Variants in BACH2 observed in about 807,000 individuals in gnomAD.
The protein encoded by BACH2 is BACH transcriptional regulator 2.
BACH2 carries 5 observed loss-of-function variants against 61.8 expected under a neutral mutation model. The observed-to-expected ratio is 0.08, with a 90% confidence interval of 0.04 to 0.17. The LOEUF (loss-of-function observed/expected upper bound fraction) is 0.17. Ranked by LOEUF, BACH2 falls within the 10% of genes least tolerant of loss-of-function variation. The probability of loss-of-function intolerance (pLI) is 1.00; values close to 1 mark genes in which losing one functional copy is unlikely to be tolerated. For missense variants in BACH2, 824 were observed against 1,091.1 expected, an observed-to-expected ratio of 0.76 and a Z score of 3.45; for synonymous variants, 446 against 440.1, an observed-to-expected ratio of 1.01 and a Z score of -0.17.
At chr6:90,218,403 T>C (rs1004952832) in intron 3 of BACH2, among the ~76,000 whole-genome samples, 3 of 152,172 alleles carry the variant, frequency 2.0e-5, no homozygotes, top group Non-Finnish European at 4.4e-5. Context: ...TCAGTCTAGC[T>C]GCCTCACTGC....
intron 5 of BACH2, among the ~76,000 whole-genome samples, chr6:90,079,524 T>C (rs1781629145): frequency 6.6e-6 from 1 of 152,202 alleles, no homozygotes; most frequent in African/African-American, 2.4e-5. Context: ...CTTTCTTCCT[T>C]CGGAAGAGAA....
intron 4 of BACH2, among the ~76,000 whole-genome samples, chr6:90,109,773 C>T (rs867103596): frequency 8.5e-5 from 13 of 152,264 alleles, no homozygotes; most frequent in South Asian, 8.3e-4. Context: ...CTCCATAATA[C>T]ATCTTGAAAT....
chr6:90,123,531 G>A (rs971739122), intron 4 of BACH2, among the ~76,000 whole-genome samples: 2 of 151,774 alleles, frequency 1.3e-5, no homozygotes, highest in African/African-American at 4.8e-5. Context: ...AGCACTTTGG[G>A]AGGCCGAGGC....
At position 90,008,599 on chromosome 6, in the gene BACH2, T is replaced by C. The variant is rs1777536764; in HGVS notation, c.243+3A>G. On this transcript the variant is annotated splice_donor_region_variant and intron_variant, in intron 6 of 8. Transcript: ENST00000257749. The surrounding 1 kb of genome is among the most constrained non-coding windows in gnomAD (Gnocchi z 4.1). The stretch of plus-strand genomic sequence containing the variant: ...AACAATCACACAAACCAAATTACTG[T>C]ACCTCCTCAGGCAAGCTGACCACCA... The C allele has an allele frequency of 6.2e-7, 1 of 1,613,918 alleles. No individual in the cohort carries two copies. Among genetic ancestry groups the C allele is most frequent in the South Asian group, 1.1e-5 (1 of 91,076 alleles).
chr6:90,106,658 G>C (rs1782932866), intron 4 of BACH2, among the ~76,000 whole-genome samples: 2 of 152,346 alleles, frequency 1.3e-5, no homozygotes, highest in Non-Finnish European at 2.9e-5. Context: ...TGAGGTGACA[G>C]GCATTTTGGG....
chr6:90,266,970 G>A (rs1199444470), intron 2 of BACH2, among the ~76,000 whole-genome samples: 1 of 151,952 alleles, frequency 6.6e-6, no homozygotes, highest in Admixed American at 6.6e-5. Context: ...CTTGAATAAC[G>A]ATATACACTA....
chr6:90,089,339 A>G (rs976055442), intron 4 of BACH2, among the ~76,000 whole-genome samples: 2 of 151,982 alleles, frequency 1.3e-5, no homozygotes, highest in Admixed American at 1.3e-4. Flanking sequence ...TCCTTGAGGT[A>G]TCTCCTTTAG....
At chr6:90,292,523 G>C (rs969806174) in intron 1 of BACH2, among the ~76,000 whole-genome samples, 1 of 152,148 alleles carries the variant, frequency 6.6e-6, no homozygotes, top group Non-Finnish European at 1.5e-5. Flanking sequence ...TAAATTATTC[G>C]GCCTTTCATG....
chr6:90,056,157 A>G (rs1780335936), intron 5 of BACH2, among the ~76,000 whole-genome samples: 1 of 152,368 alleles, frequency 6.6e-6, no homozygotes, highest in South Asian at 2.1e-4. Flanking sequence ...AAATGCTCCA[A>G]TTAAAAGACA....
chr6:90,161,595 G>A (rs1242635525), intron 4 of BACH2, among the ~76,000 whole-genome samples: 2 of 152,186 alleles, frequency 1.3e-5, no homozygotes, highest in East Asian at 1.9e-4. Flanking sequence ...GCATAGTTAA[G>A]CAACTGATTA....
At chr6:90,073,662 T>G (rs1039228434) in intron 5 of BACH2, among the ~76,000 whole-genome samples, 3 of 152,116 alleles carry the variant, frequency 2.0e-5, no homozygotes, top group African/African-American at 7.2e-5. Flanking sequence ...CACCCTGACA[T>G]GAGCGGACAA....
chr6:90,027,930 A>G (rs962716907), intron 5 of BACH2, among the ~76,000 whole-genome samples: 1 of 152,304 alleles, frequency 6.6e-6, no homozygotes, highest in Non-Finnish European at 1.5e-5. Flanking sequence ...AAAATTTCTT[A>G]TATTGAGGCA....
At chr6:90,235,666 A>T (rs184256282) in intron 3 of BACH2, among the ~76,000 whole-genome samples, 281 of 152,356 alleles carry the variant, frequency 1.8e-3, no homozygotes, top group Non-Finnish European at 3.3e-3. Flanking sequence ...AAATTTTTTT[A>T]AATTTAAAAA....
intron 6 of BACH2, among the ~76,000 whole-genome samples, chr6:89,954,634 A>C (rs1414074903): frequency 1.3e-5 from 2 of 151,702 alleles, no homozygotes; most frequent in Non-Finnish European, 2.9e-5. Context: ...TCTGTAGATC[A>C]GGAAGCAGTA....
At chr6:90,143,448 G>A (rs957826592) in intron 4 of BACH2, among the ~76,000 whole-genome samples, 3 of 152,042 alleles carry the variant, frequency 2.0e-5, no homozygotes, top group African/African-American at 7.3e-5. Flanking sequence ...TGTGGAATAA[G>A]GAAAACAGTT....
chr6:90,055,348 C>T (rs1051831854), intron 5 of BACH2, among the ~76,000 whole-genome samples: 3 of 152,034 alleles, frequency 2.0e-5, no homozygotes, highest in Non-Finnish European at 2.9e-5. Context: ...GTAGCCGATT[C>T]GATCAACTGG....
chr6:90,064,827 T>C (rs1462974134), intron 5 of BACH2, among the ~76,000 whole-genome samples: 2 of 152,206 alleles, frequency 1.3e-5, no homozygotes, highest in Non-Finnish European at 1.5e-5. Context: ...TTGTACATCA[T>C]TGTATCCCAG....
At chr6:90,192,447 T>C (rs1768608245) in intron 4 of BACH2, among the ~76,000 whole-genome samples, 1 of 152,170 alleles carries the variant, frequency 6.6e-6, no homozygotes, top group African/African-American at 2.4e-5. Flanking sequence ...AAACCCACGT[T>C]CAACCTTCAA....
intron 1 of BACH2, among the ~76,000 whole-genome samples, chr6:90,277,816 G>C (rs1771741806): frequency 6.6e-6 from 1 of 152,030 alleles, no homozygotes; most frequent in Admixed American, 6.5e-5. Flanking sequence ...CTATAAAATG[G>C]AGCCAACAGC....
Sources: gnomAD v4.1 joint callset for allele counts (sites outside exome capture counted in the v4.1 genomes callset) on GRCh38, gnomAD v4.1.1 for gene constraint, Gnocchi (gnomAD v3.1) non-coding constraint, MANE v1.5 for transcripts, NCBI Gene and HGNC (gene_info 2026-07-23, HGNC 2026-07-21) for gene names.